The following UNC5C variants were observed in gnomAD, a reference collection of about 807,000 sequenced individuals.
The protein encoded by UNC5C is unc-5 netrin receptor C.
In UNC5C, 47 loss-of-function variants were observed where a neutral mutation model predicts 99.8. The observed-to-expected ratio is 0.47, with a 90% CI of 0.37 to 0.60. The LOEUF is 0.60. Among genes scored for constraint, UNC5C ranks in the 20% least tolerant of loss-of-function variants. UNC5C has a pLI of 0.00. For missense variants in UNC5C, 1,062 were observed against 1,165.9 expected (o/e 0.91, Z 1.30); for synonymous variants, 487 against 452.2 (o/e 1.08, Z -0.98).
At chr4:95,352,273 G>C (rs996061832) in intron 1 of UNC5C, among the ~76,000 whole-genome samples, 1 of 152,110 alleles carries the variant, frequency 6.6e-6, no homozygotes, top group African/African-American at 2.4e-5. Flanking sequence ...ACTGGTGTTT[G>C]TATCTTTGAA....
At chr4:95,267,784 T>A (rs1485015219) in intron 4 of UNC5C, among the ~76,000 whole-genome samples, 1 of 150,700 alleles carries the variant, frequency 6.6e-6, no homozygotes, top group Non-Finnish European at 1.5e-5. Context: ...CAAATGCCAG[T>A]AAATAACAAT....
chr4:95,245,157 A>G lies in UNC5C; in HGVS notation c.776-13T>C. On this transcript the variant is annotated splice_polypyrimidine_tract_variant and intron_variant, in intron 5 of 15. Transcript: ENST00000453304. ...CAGCCACCGTTGACTGAAAGGAGGC[A>G]AACAGTAAAAAGTGGATTAAACATG... The G allele has an allele frequency of 1.2e-6, 2 of 1,608,672 alleles. No homozygotes were observed. Among genetic ancestry groups the G allele is most frequent in the South Asian group, 1.1e-5 (1 of 89,976 alleles).
At chr4:95,395,080 A>T (rs1745473426) in intron 1 of UNC5C, among the ~76,000 whole-genome samples, 1 of 152,142 alleles carries the variant, frequency 6.6e-6, no homozygotes, top group South Asian at 2.1e-4. Flanking sequence ...GAGGGAAATG[A>T]TATGGTGGAG....
chr4:95,275,332 T>C (rs1025664229), intron 4 of UNC5C, among the ~76,000 whole-genome samples: 2 of 152,222 alleles, frequency 1.3e-5, no homozygotes, highest in African/African-American at 4.8e-5. Context: ...TTGTGTGAAT[T>C]AAAAAATTAT....
At chr4:95,334,350 T>C (rs1256978301) in intron 2 of UNC5C, among the ~76,000 whole-genome samples, 1 of 152,018 alleles carries the variant, frequency 6.6e-6, no homozygotes, top group Non-Finnish European at 1.5e-5. Context: ...TGTATCCATT[T>C]TGGTTCAGAG....
intron 1 of UNC5C, among the ~76,000 whole-genome samples, chr4:95,373,564 A>T (rs1429134916): frequency 2.0e-5 from 3 of 152,004 alleles, no homozygotes; most frequent in African/African-American, 7.2e-5. Context: ...TGATGTGTTG[A>T]TATGATGTTT....
chr4:95,318,252 G>A (rs969291488), intron 2 of UNC5C, among the ~76,000 whole-genome samples: 6 of 152,094 alleles, frequency 3.9e-5, no homozygotes, highest in Non-Finnish European at 7.4e-5. Flanking sequence ...GGAGGAGAAG[G>A]TGACGTGAAG....
intron 2 of UNC5C, among the ~76,000 whole-genome samples, chr4:95,325,275 A>G (rs1302815205): frequency 6.6e-6 from 1 of 152,192 alleles, no homozygotes; most frequent in Non-Finnish European, 1.5e-5. Flanking sequence ...TGGAAAAACC[A>G]TTTGAACGCT....
chr4:95,546,652 A>T (rs1723077649), intron 1 of UNC5C, among the ~76,000 whole-genome samples: 1 of 152,218 alleles, frequency 6.6e-6, no homozygotes, highest in Admixed American at 6.5e-5. Context: ...TCCACTTAAG[A>T]TGAGAATCAG....
At chr4:95,320,028 C>T (rs992347345) in intron 2 of UNC5C, among the ~76,000 whole-genome samples, 4 of 152,256 alleles carry the variant, frequency 2.6e-5, no homozygotes, top group East Asian at 1.9e-4. Flanking sequence ...CTTTTGGAAG[C>T]GGACCATCTC....
Position 95,311,120 on chromosome 4 carries a change from G to A in UNC5C, c.347-9371C>T, listed in dbSNP as rs146382632. Among the ~76,000 whole-genome samples, 1,388 of 152,088 alleles carry A rather than the reference G, an allele frequency of 9.1e-3. 29 individuals are homozygous for A. Among genetic ancestry groups the A allele is most frequent in the African/African-American group, 0.031 (1,287 of 41,504 alleles). On this transcript the variant is annotated intron_variant, in intron 2 of 15. Transcript: ENST00000453304. ...TCTGTTTTACATTTAAAGTTGCAAC[G>A]AATTGCTAGAAATCAACCTTACAAG... is the stretch of plus-strand genomic sequence containing the variant.
chr4:95,451,427 C>T (rs1041499194), intron 1 of UNC5C, among the ~76,000 whole-genome samples: 11 of 152,178 alleles, frequency 7.2e-5, no homozygotes, highest in African/African-American at 2.7e-4. Flanking sequence ...ATCCCTTCAT[C>T]TCCAAATGCT....
At chr4:95,386,784 C>T (rs974876500) in intron 1 of UNC5C, among the ~76,000 whole-genome samples, 1 of 152,006 alleles carries the variant, frequency 6.6e-6, no homozygotes, top group Non-Finnish European at 1.5e-5. Flanking sequence ...CACTTCCCCC[C>T]AAAAAAAGCC....
At chr4:95,182,748 C>CAAAT (rs1210499017) in intron 14 of UNC5C, 149 bp downstream of exon 14, 4 of 785,676 alleles carry the variant, frequency 5.1e-6, no homozygotes, top group African/African-American at 1.7e-5. Flanking sequence ...TTGCTCATTA[C>CAAAT]AAATATTATT....
intron 2 of UNC5C, among the ~76,000 whole-genome samples, chr4:95,333,884 A>G (rs182107035): frequency 2.0e-5 from 3 of 152,220 alleles, no homozygotes; most frequent in Admixed American, 6.5e-5. Context: ...ATACAAATAC[A>G]TGAGCTGAAA....
Position 95,465,471 on chromosome 4 carries a change from A to G in UNC5C, c.124+83263T>C, listed in dbSNP as rs1392221837. On this transcript the variant is annotated intron_variant, in intron 1 of 15. Transcript: ENST00000453304. ...ATTTGAATCATTGTGTTATGCTACA[A>G]TATCGTGTAGGGTTCACAAAATGTC... Among the ~76,000 whole-genome samples the G allele has an allele frequency of 3.8e-4, 58 of 152,172 alleles. 1 individual carries two copies. Among genetic ancestry groups the G allele is most frequent in the Non-Finnish European group, 1.0e-4 (7 of 68,030 alleles).
At chr4:95,428,880 C>T (rs1457449933) in intron 1 of UNC5C, among the ~76,000 whole-genome samples, 2 of 152,118 alleles carry the variant, frequency 1.3e-5, no homozygotes, top group Non-Finnish European at 2.9e-5. Context: ...TATCTCCTGA[C>T]AGCCCCGTCA....
chr4:95,454,065 T>C (rs962988844), intron 1 of UNC5C, among the ~76,000 whole-genome samples: 3 of 152,004 alleles, frequency 2.0e-5, no homozygotes, highest in Non-Finnish European at 4.4e-5. Flanking sequence ...GGTTAAAAAG[T>C]TTCAAAACTA....
intron 7 of UNC5C, among the ~76,000 whole-genome samples, chr4:95,233,195 G>A (rs1012145613): frequency 6.6e-6 from 1 of 152,192 alleles, no homozygotes; most frequent in Non-Finnish European, 1.5e-5. Flanking sequence ...AGAGCTGTGT[G>A]ACGTGTAATT....
Sources: gnomAD v4.1 joint callset for allele counts (sites outside exome capture counted in the v4.1 genomes callset) on GRCh38, gnomAD v4.1.1 for gene constraint, MANE v1.5 for transcripts, NCBI Gene and HGNC (gene_info 2026-07-23, HGNC 2026-07-21) for gene names.